Variants in EPHA4 observed in about 807,000 individuals in gnomAD.
EPHA4 encodes ephrin type-A receptor 4.
EPHA4 carries 19 observed loss-of-function variants against 108.3 expected under a neutral mutation model. The ratio of observed to expected loss-of-function variants is 0.18; its 90% CI spans 0.12 to 0.26. The LOEUF (loss-of-function observed/expected upper bound fraction) is 0.26. Ranked by LOEUF, EPHA4 falls within the 10% of genes least tolerant of loss-of-function variation. The pLI, the probability that EPHA4 is intolerant of heterozygous loss-of-function variation, is 1.00. For synonymous variants in EPHA4, 449 were observed against 455.5 expected (o/e 0.99, Z 0.18); for missense variants, 917 against 1,254.0 (o/e 0.73, Z 4.06).
At chr2:221,556,477 T>A (rs1201657022) in intron 3 of EPHA4, among the ~76,000 whole-genome samples, 1 of 151,010 alleles carries the variant, frequency 6.6e-6, no homozygotes, top group African/African-American at 2.4e-5. Flanking sequence ...TTGTATTTTT[T>A]TTTTTTTTTT....
intron 3 of EPHA4, among the ~76,000 whole-genome samples, chr2:221,518,381 T>A (rs1693052524): frequency 6.6e-6 from 1 of 152,200 alleles, no homozygotes; most frequent in African/African-American, 2.4e-5. Context: ...AATCCAGTCA[T>A]GAACTGTGTG....
intron 3 of EPHA4, among the ~76,000 whole-genome samples, chr2:221,559,964 C>T (rs1257930409): frequency 6.6e-6 from 1 of 152,146 alleles, no homozygotes; most frequent in Non-Finnish European, 1.5e-5. Context: ...AGCCACCATC[C>T]CCCTGCCCTC....
chr2:221,538,993 C>A (rs1041324221), intron 3 of EPHA4, among the ~76,000 whole-genome samples: 1 of 152,090 alleles, frequency 6.6e-6, no homozygotes, highest in Admixed American at 6.6e-5. Flanking sequence ...TGGTACAGAA[C>A]TGCCATATAT....
intron 11 of EPHA4, among the ~76,000 whole-genome samples, chr2:221,440,476 G>A (rs1042580311): frequency 2.6e-5 from 4 of 152,162 alleles, no homozygotes; most frequent in Non-Finnish European, 5.9e-5. Flanking sequence ...GCTCTGGGCG[G>A]CCCTGAAGGC....
At chr2:221,550,060 C>T (rs537667955) in intron 3 of EPHA4, among the ~76,000 whole-genome samples, 5 of 152,294 alleles carry the variant, frequency 3.3e-5, no homozygotes, top group Non-Finnish European at 7.4e-5. Context: ...AGCAATGTGT[C>T]ATCTTTGCTG....
chr2:221,523,281 T>A (rs1286792218), intron 3 of EPHA4, among the ~76,000 whole-genome samples: 2 of 152,086 alleles, frequency 1.3e-5, no homozygotes, highest in East Asian at 3.9e-4. Flanking sequence ...AACTAATATA[T>A]TTAGTCAATA....
intron 8 of EPHA4, among the ~76,000 whole-genome samples, chr2:221,450,593 C>A (rs973096563): frequency 6.6e-6 from 1 of 152,180 alleles, no homozygotes; most frequent in Admixed American, 6.5e-5. Flanking sequence ...CAGCAACTAA[C>A]TCACCATGTG....
At chr2:221,449,476 T>C (rs1228585440) in intron 8 of EPHA4, among the ~76,000 whole-genome samples, 3 of 152,052 alleles carry the variant, frequency 2.0e-5, no homozygotes, top group Admixed American at 6.6e-5. Flanking sequence ...AGGAGTGGAG[T>C]GTTTTGTTAG....
rs558743676 is a variant in EPHA4, at chr2:221,421,299, C to CAA, written c.*820-749_*820-748dup. 3.8e-3 allele frequency among the ~76,000 whole-genome samples: 457 copies of CAA among 121,614 alleles called. 1 individual carries two copies. The highest frequency in any genetic ancestry group is 0.013 in the African/African-American group (419 of 32,628). The allele number at this position is 121,614 out of a possible 152,430, so 79.8% of individuals were successfully genotyped here. ...TGGGTGACAGAGCGAGACTCTGTCT[C>CAA]AAAAAAAAAAGAAAAGAAAAAAAAG... On this transcript the variant is annotated intron_variant, in intron 17 of 17. Coordinates refer to ENST00000281821, the MANE Select transcript of EPHA4 (RefSeq NM_004438.5).
At chr2:221,427,594 T>TA (rs1689949574) in intron 15 of EPHA4, among the ~76,000 whole-genome samples, 1 of 152,210 alleles carries the variant, frequency 6.6e-6, no homozygotes, top group African/African-American at 2.4e-5. Flanking sequence ...TGCTACTTGT[T>TA]AAGTCATAGT....
chr2:221,518,203 C>T (rs1323735043), intron 3 of EPHA4, among the ~76,000 whole-genome samples: 2 of 152,146 alleles, frequency 1.3e-5, no homozygotes, highest in Non-Finnish European at 2.9e-5. Flanking sequence ...TCCCCCTCCC[C>T]ACTCCATGGC....
chr2:221,506,563 G>T (rs1692637753), intron 3 of EPHA4, among the ~76,000 whole-genome samples: 1 of 152,206 alleles, frequency 6.6e-6, no homozygotes, highest in South Asian at 2.1e-4. Context: ...TTTCAAACAT[G>T]CAGGGTGAAG....
At chr2:221,459,668 T>C (rs939531173) in intron 5 of EPHA4, among the ~76,000 whole-genome samples, 5 of 152,042 alleles carry the variant, frequency 3.3e-5, no homozygotes, top group African/African-American at 1.2e-4. Flanking sequence ...AATATAGAGG[T>C]AGCAAGGAGG....
intron 8 of EPHA4, 75 bp from the exon 9 acceptor site, chr2:221,446,256 T>A: frequency 1.2e-6 from 1 of 857,338 alleles, no homozygotes; most frequent in Non-Finnish European, 1.7e-6. Flanking sequence ...TAAGACAAAT[T>A]CTTTGCTACT....
intron 4 of EPHA4, among the ~76,000 whole-genome samples, chr2:221,483,565 G>C (rs966022139): frequency 4.7e-5 from 7 of 150,404 alleles, no homozygotes; most frequent in African/African-American, 1.7e-4. Flanking sequence ...ACCCAGGCTG[G>C]AGTGCAGTGG....
chr2:221,537,771 T>G (rs959632753), intron 3 of EPHA4, among the ~76,000 whole-genome samples: 1 of 151,974 alleles, frequency 6.6e-6, no homozygotes, highest in African/African-American at 2.4e-5. Flanking sequence ...GCCTAGGCAA[T>G]AGAGTGAGAT....
chr2:221,568,788 GC>G lies in EPHA4; in HGVS notation c.92-4del, dbSNP rs1694744729. The G allele has an allele frequency of 9.9e-6, 16 of 1,610,954 alleles. No individual in the cohort carries two copies. Among genetic ancestry groups the G allele is most frequent in the African/African-American group, 1.3e-5 (1 of 74,894 alleles). On this transcript the variant is annotated splice_region_variant and splice_polypyrimidine_tract_variant and intron_variant, in intron 1 of 17. Coordinates refer to ENST00000281821, the MANE Select transcript of EPHA4 (RefSeq NM_004438.5). ...AGATCTGGAATCCAATAAGGTAACT[GC>G]AAAAAACAAAAGAAAAATAGATGAA... is the stretch of plus-strand genomic sequence containing the variant.
chr2:221,457,774 G>T, intron 6 of EPHA4, 92 bp downstream of exon 6: 1 of 1,376,052 alleles, frequency 7.3e-7, no homozygotes, highest in Non-Finnish European at 9.9e-7. Flanking sequence ...AGAAGAGAGG[G>T]AGGGAGGGAG....
At chr2:221,534,280 T>TA (rs1330217661) in intron 3 of EPHA4, among the ~76,000 whole-genome samples, 1 of 152,234 alleles carries the variant, frequency 6.6e-6, no homozygotes, top group Admixed American at 6.5e-5. Context: ...GTGTTCCACT[T>TA]ACCCATAAGT....
Sources: allele counts gnomAD v4.1 joint callset (sites outside exome capture counted in the v4.1 genomes callset), GRCh38; gene constraint gnomAD v4.1.1; transcripts MANE v1.5; gene names NCBI Gene and HGNC (gene_info 2026-07-23, HGNC 2026-07-21).